NCAM1: variants seen among roughly 807,000 people sequenced by gnomAD.
NCAM1 encodes antigen recognized by monoclonal antibody 5.1H11.
In NCAM1, 14 loss-of-function variants were observed where a neutral mutation model predicts 109.8. The ratio of observed to expected loss-of-function variants is 0.13; its 90% CI spans 0.08 to 0.20. The LOEUF (loss-of-function observed/expected upper bound fraction) is 0.20, where lower values mean the gene tolerates loss of function less well. Ranked by LOEUF, NCAM1 falls within the 10% of genes least tolerant of loss-of-function variation. NCAM1 has a pLI of 1.00. For missense variants in NCAM1, 774 were observed against 1,109.9 expected (o/e 0.70, Z 4.30); for synonymous variants, 418 against 442.9 (o/e 0.94, Z 0.70).
At position 113,010,978 on chromosome 11, in the gene NCAM1, ATACTT is replaced by A. The variant is rs1354883988; in HGVS notation, c.52+49317_52+49321del. 5.3e-5 allele frequency among the ~76,000 whole-genome samples: 8 copies of A among 151,918 alleles called. No homozygotes were observed. In the East Asian group the frequency reaches 1.4e-3, roughly 26 times the overall value. On this transcript the variant is annotated intron_variant, in intron 1 of 19. Transcript: ENST00000316851. ...TTGGGGTAGGATTTTTTTTTTAACT[ATACTT>A]TAAGTTTTAGGGTACATGTGCACAT...
intron 1 of NCAM1, among the ~76,000 whole-genome samples, chr11:113,151,527 G>A (rs1942224025): frequency 6.6e-6 from 1 of 152,154 alleles, no homozygotes; most frequent in South Asian, 2.1e-4. Context: ...CACTTTTAAG[G>A]CAGGTTTGCC....
At chr11:113,195,459 A>C (rs1555110655) in intron 1 of NCAM1, among the ~76,000 whole-genome samples, 1 of 146,132 alleles carries the variant, frequency 6.8e-6, no homozygotes, top group Non-Finnish European at 1.5e-5. Context: ...TACACACCAC[A>C]CACACACACA....
At chr11:113,275,076 G>T (rs1375600700) in intron 19 of NCAM1, among the ~76,000 whole-genome samples, 191 bp from the exon 20 acceptor site, 1 of 152,194 alleles carries the variant, frequency 6.6e-6, no homozygotes, top group Non-Finnish European at 1.5e-5. Flanking sequence ...AATTAAATCA[G>T]GATTTCCGCG....
At chr11:113,268,257 A>G (rs1309199783) in intron 17 of NCAM1, among the ~76,000 whole-genome samples, 3 of 152,210 alleles carry the variant, frequency 2.0e-5, no homozygotes, top group Non-Finnish European at 2.9e-5. Flanking sequence ...CTCTGCATTC[A>G]TGGCTGCTAA....
At chr11:113,164,549 G>T (rs1413660305) in intron 1 of NCAM1, among the ~76,000 whole-genome samples, 1 of 152,182 alleles carries the variant, frequency 6.6e-6, no homozygotes, top group East Asian at 1.9e-4. Flanking sequence ...TTCCATGATT[G>T]CTAGGATGGC....
intron 2 of NCAM1, among the ~76,000 whole-genome samples, chr11:113,203,924 T>C (rs1271867540): frequency 1.3e-5 from 2 of 152,176 alleles, no homozygotes; most frequent in Non-Finnish European, 2.9e-5. Flanking sequence ...AATACACTAA[T>C]TCCCTTGGTT....
chr11:113,075,627 T>C (rs539473245), intron 1 of NCAM1, among the ~76,000 whole-genome samples: 17 of 152,106 alleles, frequency 1.1e-4, no homozygotes, highest in African/African-American at 9.7e-5. Context: ...TAGGGCTACA[T>C]TGGGAGAATT....
At chr11:113,092,510 C>T (rs890965417) in intron 1 of NCAM1, among the ~76,000 whole-genome samples, 1 of 152,024 alleles carries the variant, frequency 6.6e-6, no homozygotes, top group Admixed American at 6.6e-5. Flanking sequence ...ATTATTTGCC[C>T]CTAGTTACAC....
intron 14 of NCAM1, among the ~76,000 whole-genome samples, chr11:113,244,654 C>CGTGTGTGTGTGTGT (rs55798470): frequency 1.3e-5 from 2 of 149,762 alleles, no homozygotes; most frequent in African/African-American, 4.9e-5. Context: ...TGTGTGTGTG[C>CGTGTGTGTGTGTGT]GTGTGTGTGT....
intron 1 of NCAM1, among the ~76,000 whole-genome samples, chr11:113,044,832 A>C (rs1953208505): frequency 1.3e-5 from 2 of 151,956 alleles, no homozygotes; most frequent in Admixed American, 6.5e-5. Flanking sequence ...CGGCTCGCTG[A>C]AAGCTCTGCC....
At chr11:113,263,993 G>A (rs577697512) in intron 17 of NCAM1, 4 of 985,450 alleles carry the variant, frequency 4.1e-6, no homozygotes, top group South Asian at 4.7e-5. Context: ...TGAAAATCCA[G>A]CTGCTCCTCC....
intron 1 of NCAM1, among the ~76,000 whole-genome samples, chr11:113,085,851 G>C (rs782496183): frequency 3.9e-5 from 6 of 152,082 alleles, no homozygotes; most frequent in Non-Finnish European, 7.4e-5. Context: ...ATCTGGGATA[G>C]ATTTATTTCA....
At chr11:113,080,734 G>T (rs563055886) in intron 1 of NCAM1, among the ~76,000 whole-genome samples, 236 of 152,352 alleles carry the variant, frequency 1.5e-3, no homozygotes, top group African/African-American at 5.0e-3. Context: ...CGTACACATG[G>T]AGCCATACAT....
chr11:113,242,642 T>C (rs1555119324), intron 14 of NCAM1, among the ~76,000 whole-genome samples: 1 of 152,200 alleles, frequency 6.6e-6, no homozygotes, highest in East Asian at 1.9e-4. Context: ...TTAATATTGA[T>C]AGAGAAGAGA....
intron 1 of NCAM1, among the ~76,000 whole-genome samples, chr11:113,085,245 G>A (rs970883474): frequency 3.2e-4 from 49 of 152,246 alleles, no homozygotes; most frequent in African/African-American, 1.1e-3. Context: ...ATCCATGACA[G>A]TTCTGTAATC....
At chr11:113,009,310 G>GTT (rs1951971570) in intron 1 of NCAM1, among the ~76,000 whole-genome samples, 3 of 102,634 alleles carry the variant, frequency 2.9e-5, no homozygotes, top group Admixed American at 1.1e-4. Flanking sequence ...GGGTTTTTTC[G>GTT]GGTTTTTTTT....
chr11:113,230,389 T>C (rs1358344227), intron 9 of NCAM1, among the ~76,000 whole-genome samples: 1 of 152,198 alleles, frequency 6.6e-6, no homozygotes, highest in Non-Finnish European at 1.5e-5. Context: ...AGAGTTGTTT[T>C]TTAGCTTCCA....
chr11:113,220,879 G>A (rs1342658463), intron 8 of NCAM1, among the ~76,000 whole-genome samples: 4 of 152,006 alleles, frequency 2.6e-5, no homozygotes, highest in Non-Finnish European at 4.4e-5. Context: ...AAAGTGCTGG[G>A]ATTACAGGCA....
chr11:113,235,652 A>G (rs1195151073), intron 14 of NCAM1, among the ~76,000 whole-genome samples: 3 of 152,242 alleles, frequency 2.0e-5, no homozygotes, highest in Non-Finnish European at 2.9e-5. Context: ...TGTGAGCAGC[A>G]GCAGAAACCC....
Sources: allele counts gnomAD v4.1 joint callset (sites outside exome capture counted in the v4.1 genomes callset), GRCh38; gene constraint gnomAD v4.1.1; transcripts MANE v1.5; gene names NCBI Gene and HGNC (gene_info 2026-07-23, HGNC 2026-07-21).